The following POLG variants were observed in gnomAD, a reference collection of about 807,000 sequenced individuals.
POLG encodes DNA polymerase gamma, catalytic subunit.
In POLG, 110 loss-of-function variants were observed where a neutral mutation model predicts 155.4. The ratio of observed to expected loss-of-function variants is 0.71; its 90% CI spans 0.61 to 0.83. The LOEUF is 0.83. POLG is among the 40% of genes least tolerant of loss of function. The probability of loss-of-function intolerance (pLI) is 0.00; values close to 1 mark genes in which losing one functional copy is unlikely to be tolerated. For synonymous variants in POLG, 701 were observed against 631.5 expected (o/e 1.11, Z -1.65); for missense variants, 1,685 against 1,627.5 (o/e 1.04, Z -0.61).
chr15:89,326,057 G>C (rs2055513072), intron 9 of POLG, among the ~76,000 whole-genome samples: 1 of 152,168 alleles, frequency 6.6e-6, no homozygotes, highest in East Asian at 1.9e-4. Flanking sequence ...CCTTCTGGGT[G>C]CTCTCTTGCA....
Position 89,324,110 on chromosome 15 carries a change from T to C in POLG, c.2067A>G (p.Gln689=), listed in dbSNP as rs746107506. 1.9e-6 allele frequency: 3 copies of C among 1,614,050 alleles called. No homozygotes were observed. The highest frequency in any genetic ancestry group is 2.5e-6 in the Non-Finnish European group (3 of 1,180,048). Residue 689 remains glutamine (Q), a synonymous_variant, in exon 11 of 23, where the codon CAA becomes CAG. Transcript: ENST00000268124. ...FLLTDNSAIW[Q]TVEELDYLEV... is the part of the protein sequence containing the mutation. ...CAGGTTCAGAGCCTGCCCTCACCGTTTGCCATATGGCACTATTGTCAGTGA... is the reference window on the plus strand; with the variant it reads ...CAGGTTCAGAGCCTGCCCTCACCGTCTGCCATATGGCACTATTGTCAGTGA...
Position 89,316,755 on chromosome 15 carries a change from G to A in POLG, c.3716C>T (p.Pro1239Leu), listed in dbSNP as rs1322882473. ...ATACAGAGCCTCCAGGCAGTGCTAT[G>A]GTCCAGGCTGGCTTCGTTTTTCCAA... ...GSLEKRSQPG[P>L] The change falls in exon 23 of 23, where the codon CCA becomes CTA. Residue 1239 changes from proline to leucine, a missense_variant. Physicochemically the swap from Pro to Leu is moderately conservative, Grantham distance 98. Around this residue, in one of 3 missense-constraint regions of POLG, gnomAD observed 470 missense variants for 439.9 expected, o/e 1.07. Transcript: ENST00000268124. 2 of 1,611,284 alleles carry A rather than the reference G, an allele frequency of 1.2e-6. No homozygotes were observed. The highest frequency in any genetic ancestry group is 3.3e-5 in the Admixed American group (2 of 60,018).
At chr15:89,324,037 G>A (rs1299676039) in intron 11 of POLG, 70 bp downstream of exon 11, 1 of 1,604,946 alleles carries the variant, frequency 6.2e-7, no homozygotes, top group East Asian at 2.2e-5. Context: ...CCACCCAAAG[G>A]CTGCCCCTTC....
intron 21 of POLG, 79 bp from the exon 22 acceptor site, chr15:89,317,615 A>C: frequency 7.2e-7 from 1 of 1,394,054 alleles, no homozygotes; most frequent in East Asian, 2.3e-5. Context: ...ATGACCCCAC[A>C]CCCCTTAGAG....
At chr15:89,323,191 T>C (rs1048986115) in intron 13 of POLG, among the ~76,000 whole-genome samples, 3 of 152,224 alleles carry the variant, frequency 2.0e-5, no homozygotes, top group Admixed American at 1.3e-4. Flanking sequence ...GTGCCCCATG[T>C]CATTTAATTC....
In POLG at chr15:89,323,543, G is replaced by A. The variant is rs1050152673; in HGVS notation, c.2158-32C>T. On this transcript the variant is annotated intron_variant, in intron 12 of 22. Transcript: ENST00000268124. ...GGGCCACACACCTATATCAGGCCCT[G>A]CTCCAGCACCTGCATTCAGCAAGGG... is the stretch of plus-strand genomic sequence containing the variant. The A allele has an allele frequency of 5.1e-6, 7 of 1,381,690 alleles. No individual in the cohort carries two copies. The African/African-American group carries it at 9.9e-5, about 20-fold the overall frequency. 85.6% of individuals were successfully genotyped at this position (1,381,690 alleles called of 1,614,324 possible).
intron 14 of POLG, 129 bp downstream of exon 14, chr15:89,322,613 G>T: frequency 1.0e-6 from 1 of 985,048 alleles, no homozygotes; most frequent in Non-Finnish European, 1.6e-6. Flanking sequence ...CATGGCACCA[G>T]GACCAAAAGT....
At position 89,328,665 on chromosome 15, in the gene POLG, A is replaced by G; in HGVS notation, c.1170+20T>C. On this transcript the variant is annotated intron_variant, in intron 5 of 22. Coordinates refer to ENST00000268124, the MANE Select transcript of POLG (RefSeq NM_002693.3). ...GGTGTGCCACAGCCCATGTCCCCAG[A>G]GCCCCCTCCAGCACCATACCTGGAA... 1.9e-6 allele frequency: 3 copies of G among 1,613,844 alleles called. No homozygotes were observed. Among genetic ancestry groups the G allele is most frequent in the African/African-American group, 2.7e-5 (2 of 74,994 alleles).
rs772737979 is a variant in POLG at position 89,317,405 on chromosome 15, C to T, written c.3614G>A (p.Gly1205Glu). The change falls in exon 22 of 23, where the codon GGG becomes GAG. Residue 1205 changes from glycine to glutamate, a missense_variant. Physicochemically the swap from Gly to Glu is moderately conservative, Grantham distance 98. Around this residue, in one of 3 missense-constraint regions of POLG, gnomAD observed 470 missense variants for 439.9 expected, o/e 1.07. Transcript: ENST00000268124. Reference protein sequence around the residue: ...MDCKTPSNPTGMERRYGIPQG... With the variant: ...MDCKTPSNPTEMERRYGIPQG... ...GGGAATCCCGTATCTCCTTTCCATC[C>T]CAGTTGGGTTGGAAGGGGTTTTACA... 5.0e-6 allele frequency: 8 copies of T among 1,614,002 alleles called. No individual in the cohort carries two copies. The highest frequency in any genetic ancestry group is 6.8e-6 in the Non-Finnish European group (8 of 1,180,038).
rs1159974816 is a variant in POLG, at chr15:89,333,131, G to T, written c.624C>A (p.Cys208Ter). The T allele has an allele frequency of 4.6e-6, 7 of 1,527,474 alleles. No homozygotes were observed. The highest frequency in any genetic ancestry group is 6.2e-6 in the Non-Finnish European group (7 of 1,137,438). 94.6% of individuals were successfully genotyped at this position (1,527,474 alleles called of 1,614,324 possible). The change falls in exon 2 of 23, where the codon TGC becomes TGA. Residue 208 changes from cysteine to a stop codon, truncating the protein, a stop_gained. Transcript: ENST00000268124. LOFTEE classifies it high-confidence loss of function. ...GGGATATGGCCACCGCCAATGTGGG[G>T]CAAGTTCCCTCTGCCAAGCAGACCT... ...DVEVCLAEGT[C>*]PTLAVAISPS... is the part of the protein sequence containing the mutation.
intron 2 of POLG, chr15:89,332,462 A>G (rs1199021910): frequency 6.6e-6 from 1 of 152,184 alleles, no homozygotes; most frequent in African/African-American, 2.4e-5. Context: ...AAGTTATTTA[A>G]AAAGAAAAGA....
Position 89,327,235 on chromosome 15 carries a change from G to A in POLG, c.1365C>T (p.Leu455=), listed in dbSNP as rs754641736. 9 of 1,614,196 alleles carry A rather than the reference G, an allele frequency of 5.6e-6. No individual in the cohort carries two copies. The highest frequency in any genetic ancestry group is 6.8e-6 in the Non-Finnish European group (8 of 1,180,036). Residue 455 remains leucine, a synonymous_variant, in exon 7 of 23, where the codon CTC becomes CTT. Coordinates refer to ENST00000268124, the MANE Select transcript of POLG (RefSeq NM_002693.3). ...LAEAQGTYEE[L]QREMKKSLMD... ...TCAACGACTTCTTCATCTCCCGCTG[G>A]AGCTCCTCATAAGTGCCCTGTGCCT...
intron 21 of POLG, chr15:89,318,057 A>T (rs2055328389): frequency 4.1e-6 from 1 of 243,192 alleles, no homozygotes; most frequent in African/African-American, 2.4e-5. Flanking sequence ...AATACAACTC[A>T]ATATATAAAA....
chr15:89,316,803 A>G lies in POLG; in HGVS notation c.3668T>C (p.Ile1223Thr), dbSNP rs1410810842. 6.2e-7 allele frequency: 1 copy of G among 1,613,900 alleles called. No individual in the cohort carries two copies. The highest frequency in any genetic ancestry group is 8.5e-7 in the Non-Finnish European group (1 of 1,179,766). The change falls in exon 23 of 23, where the codon ATA becomes ACA. Residue 1223 changes from isoleucine (I) to threonine (T), a missense_variant. Ile to Thr is a moderately conservative substitution (Grantham distance 89). Transcript: ENST00000268124. ...CAAGGAGCCTTTGGTGAGTTCAATT[A>G]TCTGGTAAATATCCAGCGCTTCACC... Reference protein sequence around the residue: ...PQGEALDIYQIIELTKGSLEK... With the variant: ...PQGEALDIYQTIELTKGSLEK...
intron 9 of POLG, 152 bp from the exon 10 acceptor site, chr15:89,325,838 GCTT>G (rs2055510264): frequency 1.4e-6 from 1 of 720,518 alleles, no homozygotes; most frequent in South Asian, 1.5e-5. Context: ...CCTCTGGGAT[GCTT>G]TAGCCAGGAC....
In POLG at chr15:89,320,970, C is replaced by T. The variant is rs752971760; in HGVS notation, c.2777G>A (p.Ser926Asn). ...FGWMTLQGRK[S>N]RGTDLHSKTA... is the part of the protein sequence containing the mutation. ...CTTACTGTGTAGATCAGTGCCCCTGCTCTTCCTGCCCTGCAGTGTCATCCA... is the reference window on the plus strand; with the variant it reads ...CTTACTGTGTAGATCAGTGCCCCTGTTCTTCCTGCCCTGCAGTGTCATCCA... The change falls in exon 18 of 23, where the codon AGC becomes AAC. Residue 926 changes from serine to asparagine, a missense_variant. Physicochemically the swap from Ser to Asn is conservative, Grantham distance 46. Transcript: ENST00000268124. The T allele has an allele frequency of 1.9e-6, 3 of 1,613,458 alleles. No individual in the cohort carries two copies. The highest frequency in any genetic ancestry group is 2.5e-6 in the Non-Finnish European group (3 of 1,179,784).
chr15:89,320,457 G>C (rs1277605950), intron 18 of POLG, among the ~76,000 whole-genome samples: 1 of 152,190 alleles, frequency 6.6e-6, no homozygotes, highest in Non-Finnish European at 1.5e-5. Context: ...GTAGGCATCT[G>C]AGTTTGCAAC....
Position 89,320,903 on chromosome 15 carries a change from G to A in POLG, c.2844C>T (p.Ile948=), listed in dbSNP as rs1380370898. 1 of 1,613,876 alleles carries A rather than the reference G, an allele frequency of 6.2e-7. No individual in the cohort carries two copies. The highest frequency in any genetic ancestry group is 8.5e-7 in the Non-Finnish European group (1 of 1,180,042). ...CACCATAGATGCGGCCGTAGTTGAA[G>A]ATTTTGGCATGCTCACGGCTGATGC... The part of the protein sequence containing the change: ...TVGISREHAK[I]FNYGRIYGAG... The change falls in exon 18 of 23, where the codon ATC becomes ATT. Residue 948 remains isoleucine, a synonymous_variant. Transcript: ENST00000268124.
Position 89,322,827 on chromosome 15 carries a change from C to A in POLG, c.2341G>T (p.Ala781Ser). 1 of 1,614,056 alleles carries A rather than the reference C, an allele frequency of 6.2e-7. No individual in the cohort carries two copies. The highest frequency in any genetic ancestry group is 8.5e-7 in the Non-Finnish European group (1 of 1,179,920). ...GGCCCACTGGCACCTCCTGGGCCAG[C>A]CTGCAGGGTGCCATCCTCCATCTTG... ...LPKMEDGTLQ[A>S]GPGGASGPRA... is the part of the protein sequence containing the mutation. The change falls in exon 14 of 23, where the codon GCT (alanine) becomes TCT (serine). Residue 781 changes from alanine to serine, a missense_variant. Coordinates refer to ENST00000268124, the MANE Select transcript of POLG (RefSeq NM_002693.3).
Sources: gnomAD v4.1 joint callset for allele counts (sites outside exome capture counted in the v4.1 genomes callset) on GRCh38, gnomAD v4.1.1 for gene constraint, gnomAD v4.1.1 regional missense constraint, MANE v1.5 for transcripts, NCBI Gene and HGNC (gene_info 2026-07-23, HGNC 2026-07-21) for gene names.